Variants in PRH1 observed in about 807,000 individuals in gnomAD.
PRH1 encodes the protein salivary acidic proline-rich phosphoprotein 1/2.
A neutral mutation model predicts 7.9 loss-of-function variants in PRH1; 7 were observed. The observed-to-expected ratio is 0.89, with a 90% CI of 0.50 to 1.67. PRH1 has a LOEUF of 1.67. Among genes scored for constraint, PRH1 ranks in the 40% most tolerant of loss-of-function variants. PRH1 has a pLI of 0.00. For missense variants in PRH1, 109 were observed against 223.6 expected, an observed-to-expected ratio of 0.49 and a Z score of 3.27; for synonymous variants, 45 against 80.8, an observed-to-expected ratio of 0.56 and a Z score of 2.38.
rs1411750333 is a variant in PRH1, at chr12:11,168,299, AGAAGGAAGGAAGGAAG to A, written n.39+3107_39+3122del. On this transcript the variant is annotated intron_variant and non_coding_transcript_variant, in intron 1 of 1. Transcript: ENST00000541175. ...AAGAAAGAAAGAAAGAAAGAAAGAA[AGAAGGAAGGAAGGAAG>A]GAAGGAAGGAAGGAAGGAAGGAAGG... Among the ~76,000 whole-genome samples, 2 of 5,862 alleles carry A rather than the reference AGAAGGAAGGAAGGAAG, an allele frequency of 3.4e-4. 1 individual carries two copies. Among genetic ancestry groups the A allele is most frequent in the Non-Finnish European group, 8.0e-4 (2 of 2,506 alleles). The allele number at this position is 5,862 out of a possible 152,430, so 3.8% of individuals were successfully genotyped here. A position where few individuals can be genotyped will look rare whatever the true frequency, so the allele number is the denominator to read the frequency against.
At chr12:11,005,621 A>T (rs558940504) in intron 1 of PRH1, among the ~76,000 whole-genome samples, 244 of 152,250 alleles carry the variant, frequency 1.6e-3, no homozygotes, top group African/African-American at 5.6e-3. Context: ...TAACAAGCTC[A>T]TTAACACAAA....
intron 1 of PRH1, among the ~76,000 whole-genome samples, chr12:11,067,890 A>C (rs1356989353): frequency 1.3e-5 from 2 of 152,320 alleles, no homozygotes; most frequent in South Asian, 4.1e-4. Flanking sequence ...TTTAAATTTT[A>C]ACTTGGATTT....
intron 1 of PRH1, among the ~76,000 whole-genome samples, chr12:11,029,416 A>G (rs1942074806): frequency 7.3e-6 from 1 of 136,788 alleles, no homozygotes; most frequent in Non-Finnish European, 1.6e-5. Context: ...CAATTTATAT[A>G]TTATATTTAC....
chr12:10,961,424 C>G (rs1185961617), intron 2 of PRH1, among the ~76,000 whole-genome samples: 2 of 151,154 alleles, frequency 1.3e-5, no homozygotes, highest in African/African-American at 2.5e-5. Flanking sequence ...GATTGCCCCT[C>G]TAAGCATGAG....
intron 2 of PRH1, among the ~76,000 whole-genome samples, chr12:10,889,570 A>G (rs1032798093): frequency 1.3e-5 from 2 of 152,218 alleles, no homozygotes; most frequent in South Asian, 2.1e-4. Flanking sequence ...TGTTTGGAAA[A>G]TTTTTGATCA....
At chr12:10,946,512 G>A (rs1191005032) in intron 2 of PRH1, among the ~76,000 whole-genome samples, 1 of 152,120 alleles carries the variant, frequency 6.6e-6, no homozygotes, top group Admixed American at 6.5e-5. Flanking sequence ...TTCTAATTGT[G>A]TTTATTTGGA....
At chr12:10,958,133 T>A (rs943956233) in intron 2 of PRH1, among the ~76,000 whole-genome samples, 9 of 152,110 alleles carry the variant, frequency 5.9e-5, no homozygotes, top group Non-Finnish European at 2.9e-5. Context: ...ACAGAACTAT[T>A]CATAATAGCA....
intron 1 of PRH1, among the ~76,000 whole-genome samples, chr12:11,002,233 T>C (rs534042791): frequency 1.3e-5 from 2 of 152,216 alleles, no homozygotes; most frequent in South Asian, 4.1e-4. Context: ...TGATGATTGG[T>C]GATGATGATA....
In PRH1 at chr12:10,882,253, C is replaced by A. The variant is rs751880148; in HGVS notation, c.546G>T (p.Gln182His). The A allele has an allele frequency of 1.9e-6, 3 of 1,613,440 alleles. No homozygotes were observed. The highest frequency in any genetic ancestry group is 2.5e-6 in the Non-Finnish European group (3 of 1,179,844). Reference sequence around the variant, plus strand: ...TCCTAGATTACTGAGGAGACTGCCCCTGTGGAGGTCCTTGTGGGCGGCCCC... The same window carrying A: ...TCCTAGATTACTGAGGAGACTGCCCATGTGGAGGTCCTTGTGGGCGGCCCC... The part of the protein sequence containing the change: ...PQGGRPQGPP[Q>H]GQSPQ Residue 182 changes from glutamine (Q) to histidine (H), a missense_variant, in exon 3 of 4, where the codon CAG (glutamine) becomes CAT (histidine). Physicochemically the swap from Gln to His is conservative, Grantham distance 24 (BLOSUM62 0). Around this residue, in one of 3 missense-constraint regions of PRH1, gnomAD observed 45 missense variants for 88.8 expected, o/e 0.51. Coordinates refer to ENST00000543626, the MANE Select transcript of PRH1 (RefSeq NM_001393989.1).
chr12:10,947,366 T>C (rs553409157), intron 2 of PRH1, among the ~76,000 whole-genome samples: 1 of 152,318 alleles, frequency 6.6e-6, no homozygotes, highest in Non-Finnish European at 1.5e-5. Flanking sequence ...TTGAATACTT[T>C]ACCATTATGT....
intron 1 of PRH1, among the ~76,000 whole-genome samples, chr12:11,026,377 G>A (rs1868770): frequency 6.6e-6 from 1 of 150,884 alleles, no homozygotes; most frequent in Non-Finnish European, 1.5e-5. Context: ...TTCGGCTCAT[G>A]TCCATTCCAA....
intron 2 of PRH1, chr12:10,965,085 C>T: frequency 8.0e-7 from 1 of 1,248,880 alleles, no homozygotes; most frequent in Non-Finnish European, 1.1e-6. Flanking sequence ...TGGTTGGTTA[C>T]AGCCCAGGCA....
rs1287749416 is a variant in PRH1 at position 11,168,256 on chromosome 12, GAA to G, written n.39+3164_39+3165del. ...AGAAAGAAAGAAAGAAAGAAAGAAA[GAA>G]AGAAAGAAAGAAAGAAAGAAAGAAA... On this transcript the variant is annotated intron_variant and non_coding_transcript_variant, in intron 1 of 1. Transcript: ENST00000541175. 3.0e-4 allele frequency among the ~76,000 whole-genome samples: 9 copies of G among 30,308 alleles called. 1 individual carries two copies. The highest frequency in any genetic ancestry group is 8.2e-4 in the Admixed American group (2 of 2,440). 19.9% of individuals were successfully genotyped at this position (30,308 alleles called of 152,430 possible).
intron 1 of PRH1, among the ~76,000 whole-genome samples, chr12:11,128,279 T>C (rs140387490): frequency 1.3e-5 from 2 of 152,342 alleles, no homozygotes; most frequent in East Asian, 1.9e-4. Context: ...TTATGATGAA[T>C]AGATGTTAAA....
At chr12:11,010,886 A>G (rs955350125) in intron 1 of PRH1, among the ~76,000 whole-genome samples, 1 of 151,836 alleles carries the variant, frequency 6.6e-6, no homozygotes, top group Non-Finnish European at 1.5e-5. Context: ...TTCTTTATTA[A>G]TTTCTCTATT....
intron 1 of PRH1, among the ~76,000 whole-genome samples, chr12:11,069,065 A>ATGT (rs1943948408): frequency 6.7e-6 from 1 of 148,940 alleles, no homozygotes; most frequent in Admixed American, 6.7e-5. Flanking sequence ...CTGCAGGTGG[A>ATGT]CACCACCTCA....
intron 1 of PRH1, among the ~76,000 whole-genome samples, chr12:11,040,923 G>T (rs1227243259): frequency 6.6e-6 from 1 of 152,012 alleles, no homozygotes; most frequent in African/African-American, 2.4e-5. Flanking sequence ...AAGCCTCATG[G>T]TAATCTCAAA....
chr12:10,889,494 T>C (rs553054187), intron 2 of PRH1, among the ~76,000 whole-genome samples: 1 of 152,330 alleles, frequency 6.6e-6, no homozygotes, highest in East Asian at 1.9e-4. Flanking sequence ...GGAATGGATT[T>C]CATTGGTTGT....
chr12:11,086,567 A>G (rs1461963216), intron 1 of PRH1, among the ~76,000 whole-genome samples: 1 of 47,302 alleles, frequency 2.1e-5, no homozygotes, highest in Non-Finnish European at 6.4e-5. Context: ...TATAACTATG[A>G]TGTGAGACTC....
Sources: allele counts gnomAD v4.1 joint callset (sites outside exome capture counted in the v4.1 genomes callset), GRCh38; gene constraint gnomAD v4.1.1; regional missense constraint gnomAD v4.1.1; transcripts MANE v1.5; gene names NCBI Gene and HGNC (gene_info 2026-07-23, HGNC 2026-07-21).